MTHFSD: variants seen among roughly 807,000 people sequenced by gnomAD.
MTHFSD encodes methenyltetrahydrofolate synthase domain-containing protein.
In MTHFSD, 37 loss-of-function variants were observed where a neutral mutation model predicts 31.1. The ratio of observed to expected loss-of-function variants is 1.19; its 90% CI spans 0.91 to 1.56. MTHFSD has a LOEUF of 1.56. Among genes scored for constraint, MTHFSD ranks in the 40% most tolerant of loss-of-function variants. The probability of loss-of-function intolerance (pLI) is 0.00; values close to 1 mark genes in which losing one functional copy is unlikely to be tolerated. For missense variants in MTHFSD, 664 were observed against 510.1 expected, an observed-to-expected ratio of 1.30 and a Z score of -2.91; for synonymous variants, 221 against 206.9, an observed-to-expected ratio of 1.07 and a Z score of -0.59.
intron 7 of MTHFSD, chr16:86,535,083 A>T (rs892073702): frequency 1.8e-5 from 5 of 279,762 alleles, no homozygotes; most frequent in Non-Finnish European, 2.2e-5. Context: ...TTCCGTGCAC[A>T]TCACAGGGAG....
At chr16:86,552,252 G>C in intron 2 of MTHFSD, 106 bp from the exon 3 acceptor site, 1 of 1,607,730 alleles carries the variant, frequency 6.2e-7, no homozygotes, top group Non-Finnish European at 8.5e-7. Context: ...CGTTTTGAAC[G>C]CCTGCAAGCG....
chr16:86,538,851 G>A (rs1285378311), intron 7 of MTHFSD, among the ~76,000 whole-genome samples: 1 of 152,196 alleles, frequency 6.6e-6, no homozygotes, highest in Non-Finnish European at 1.5e-5. Context: ...AGATGGGGCA[G>A]CAGCGGCTAT....
In MTHFSD at chr16:86,532,260, ACCCTCCCC is replaced by A; in HGVS notation, c.895_902del (p.Gly299CysfsTer20). 1.3e-6 allele frequency: 2 copies of A among 1,564,632 alleles called. No homozygotes were observed. Among genetic ancestry groups the A allele is most frequent in the Non-Finnish European group, 1.7e-6 (2 of 1,157,438 alleles). ...CGTAAACATCGGCTGCAAGCGGGGC[ACCCTCCCC>A]TGGTGGGGAGCCAGGGGCTGCCTCC... is the stretch of plus-strand genomic sequence containing the variant. On this transcript the variant is annotated frameshift_variant, in exon 8 of 8. Coordinates refer to ENST00000360900, the MANE Select transcript of MTHFSD (RefSeq NM_001159377.2). LOFTEE classifies it low-confidence loss of function (END_TRUNC).
chr16:86,539,373 C>A (rs145812631), intron 7 of MTHFSD, among the ~76,000 whole-genome samples: 132 of 152,370 alleles, frequency 8.7e-4, no homozygotes, highest in African/African-American at 3.1e-3. Context: ...AAGAAACATG[C>A]ATGGCGTCCA....
intron 3 of MTHFSD, among the ~76,000 whole-genome samples, chr16:86,551,470 A>G (rs1973133816): frequency 6.6e-6 from 1 of 152,228 alleles, no homozygotes; most frequent in African/African-American, 2.4e-5. Flanking sequence ...GAATGCTTCA[A>G]CGCCATAGTT....
At chr16:86,537,990 C>T (rs773664068) in intron 7 of MTHFSD, among the ~76,000 whole-genome samples, 5 of 152,204 alleles carry the variant, frequency 3.3e-5, no homozygotes, top group South Asian at 4.1e-4. Flanking sequence ...GAGCACAGGA[C>T]GGGTGAGAAG....
At chr16:86,540,674 C>A (rs1255696597) in intron 7 of MTHFSD, 2 of 987,858 alleles carry the variant, frequency 2.0e-6, no homozygotes, top group Non-Finnish European at 2.4e-6. Flanking sequence ...TACAAGGAAG[C>A]TGTGGACCAG....
intron 2 of MTHFSD, among the ~76,000 whole-genome samples, chr16:86,553,026 T>C (rs887211216): frequency 6.6e-6 from 1 of 152,184 alleles, no homozygotes; most frequent in Non-Finnish European, 1.5e-5. Context: ...AACAGCCATC[T>C]TTGATTGTCT....
rs568486979 is a variant in MTHFSD, at chr16:86,541,729, G to A, written c.649C>T (p.Arg217Cys). The A allele has an allele frequency of 1.1e-5, 17 of 1,613,946 alleles. No homozygotes were observed. The highest frequency in any genetic ancestry group is 8.0e-5 in the African/African-American group (6 of 75,054). Residue 217 changes from arginine to cysteine, a missense_variant, in exon 7 of 8, where the codon CGC becomes TGC. By Grantham distance (180) the Arg-to-Cys change is radical. Coordinates refer to ENST00000360900, the MANE Select transcript of MTHFSD (RefSeq NM_001159377.2). ...CAGGTGATTCCCATTGGCTTTGGGCGCTTGCAGCCTGTGGCGATGACTCTG... is the reference window on the plus strand; with the variant it reads ...CAGGTGATTCCCATTGGCTTTGGGCACTTGCAGCCTGTGGCGATGACTCTG... ...PTRVIATGCK[R>C]PKPMGITWFK...
Position 86,554,700 on chromosome 16 carries a change from G to A in MTHFSD, c.68C>T (p.Ser23Leu), listed in dbSNP as rs766290564. 9.3e-6 allele frequency: 15 copies of A among 1,614,076 alleles called. No homozygotes were observed. The South Asian group carries it at 1.5e-4, about 17-fold the overall frequency. ...TCGGGGAAAGTCAGCTAAATTTTGT[G>A]ATTCCATGTAGCCCCAAATTTGTTC... ...IREQIWGYME[S>L]QNLADFPRPV... The change falls in exon 2 of 8, where the codon TCA becomes TTA. Residue 23 changes from serine to leucine, a missense_variant. Transcript: ENST00000360900.
chr16:86,546,580 A>G lies in MTHFSD; in HGVS notation c.421T>C (p.Ser141Pro). Residue 141 changes from serine (S) to proline (P), a missense_variant, in exon 5 of 8, where the codon TCC (serine) becomes CCC (proline). Transcript: ENST00000360900. ...RVLVDLVVVGSVAVSEKGWRI... is the reference protein window; with the variant it reads ...RVLVDLVVVGPVAVSEKGWRI... ...TTACCTTTTTCAGAAACGGCGACGG[A>G]TCCCACCACAACTAAATCCACGAGG... The G allele has an allele frequency of 3.7e-6, 6 of 1,614,036 alleles. No homozygotes were observed. The highest frequency in any genetic ancestry group is 4.2e-6 in the Non-Finnish European group (5 of 1,180,032).
Position 86,555,193 on chromosome 16 carries a change from A to G in MTHFSD, c.-9T>C. 6.5e-7 allele frequency: 1 copy of G among 1,536,880 alleles called. No homozygotes were observed. The highest frequency in any genetic ancestry group is 8.7e-7 in the Non-Finnish European group (1 of 1,146,586). ...CCTGCCCTCGGCTCCATGGTGATGC[A>G]GTCGCTGTGCGACGCTTCCCGGCGC... On this transcript the variant is annotated 5_prime_UTR_variant, in exon 1 of 8. Coordinates refer to ENST00000360900, the MANE Select transcript of MTHFSD (RefSeq NM_001159377.2).
At chr16:86,551,472 G>A (rs925045261) in intron 3 of MTHFSD, among the ~76,000 whole-genome samples, 1 of 152,122 alleles carries the variant, frequency 6.6e-6, no homozygotes, top group Admixed American at 6.5e-5. Flanking sequence ...ATGCTTCAAC[G>A]CCATAGTTTT....
intron 2 of MTHFSD, among the ~76,000 whole-genome samples, chr16:86,554,023 C>T (rs1036680988): frequency 7.2e-5 from 11 of 152,132 alleles, no homozygotes; most frequent in South Asian, 2.1e-4. Context: ...ACGGACCAAT[C>T]GGCTCTCTGT....
At chr16:86,545,977 G>A (rs1236252582) in intron 5 of MTHFSD, among the ~76,000 whole-genome samples, 9 of 152,256 alleles carry the variant, frequency 5.9e-5, no homozygotes. Context: ...ACAGCAAGAG[G>A]TGGTGTGGTG....
In MTHFSD at chr16:86,555,153, C is replaced by G. The variant is rs755706100; in HGVS notation, c.16+16G>C. On this transcript the variant is annotated intron_variant, in intron 1 of 7. Transcript: ENST00000360900. ...CCCCATTCCCAGCCGCCCCGGAGCC[C>G]CGCCAGGCCCCCCACCTGCCCTCGG... 4 of 1,535,482 alleles carry G rather than the reference C, an allele frequency of 2.6e-6. No individual in the cohort carries two copies. Among genetic ancestry groups the G allele is most frequent in the Non-Finnish European group, 3.5e-6 (4 of 1,145,574 alleles).
In MTHFSD at chr16:86,542,100, C is replaced by A. The variant is rs777800960; in HGVS notation, c.555+1G>T. The A allele has an allele frequency of 3.1e-6, 5 of 1,612,846 alleles. No homozygotes were observed. Among genetic ancestry groups the A allele is most frequent in the Non-Finnish European group, 4.2e-6 (5 of 1,179,534 alleles). On this transcript the variant is annotated splice_donor_variant, in intron 6 of 7. Coordinates refer to ENST00000360900, the MANE Select transcript of MTHFSD (RefSeq NM_001159377.2). LOFTEE classifies it high-confidence loss of function. This position sits in a 1 kb window ranked among gnomAD's most constrained non-coding sequence, Gnocchi z 4.6. The stretch of plus-strand genomic sequence containing the variant: ...CTGCTCAGCCCATTCATAAGGAGCA[C>A]CTGGCAGTCGTGGACGATGGTGACC...
At chr16:86,540,759 C>T (rs561635465) in intron 7 of MTHFSD, 1 of 990,894 alleles carries the variant, frequency 1.0e-6, no homozygotes, top group African/African-American at 1.7e-5. Context: ...TGACCACCTT[C>T]TTTCCCAGTG....
chr16:86,554,354 G>C (rs77344130), intron 2 of MTHFSD, among the ~76,000 whole-genome samples: 232 of 152,236 alleles, frequency 1.5e-3, no homozygotes, highest in African/African-American at 5.5e-3. Context: ...CACTCACTGC[G>C]AGGCTTCATT....
Sources: allele counts gnomAD v4.1 joint callset (sites outside exome capture counted in the v4.1 genomes callset), GRCh38; gene constraint gnomAD v4.1.1; non-coding constraint Gnocchi (gnomAD v3.1); transcripts MANE v1.5; gene names NCBI Gene and HGNC (gene_info 2026-07-23, HGNC 2026-07-21).